Variants in GPRC5A observed in about 807,000 individuals in gnomAD.
The protein encoded by GPRC5A is retinoic acid-induced protein 3.
GPRC5A carries 19 observed loss-of-function variants against 22.5 expected under a neutral mutation model. The ratio of observed to expected loss-of-function variants is 0.85; its 90% CI spans 0.59 to 1.24. GPRC5A has a LOEUF of 1.24. GPRC5A is among the 50% of genes most tolerant of loss of function. The pLI is 0.00. For missense variants in GPRC5A, 471 were observed against 451.1 expected, an observed-to-expected ratio of 1.04 and a Z score of -0.40; for synonymous variants, 192 against 184.5, an observed-to-expected ratio of 1.04 and a Z score of -0.33.
At chr12:12,902,996 G>A (rs1045146794) in intron 1 of GPRC5A, among the ~76,000 whole-genome samples, 5 of 152,202 alleles carry the variant, frequency 3.3e-5, no homozygotes, top group African/African-American at 9.6e-5. Flanking sequence ...GAACCTGGGA[G>A]GTGGAGGTTG....
intron 1 of GPRC5A, among the ~76,000 whole-genome samples, chr12:12,894,590 G>A (rs1863800329): frequency 6.6e-6 from 1 of 151,758 alleles, no homozygotes; most frequent in African/African-American, 2.4e-5. Context: ...TAAATTTTTT[G>A]TAGAGATGGG....
rs79365348 is a variant in GPRC5A at position 12,912,909 on chromosome 12, C to G, written c.*370C>G. Reference sequence around the variant, plus strand: ...CGATCACAGCCCAGTGCAGCCTCGACCACCTGTGCTCAAGCAATCCTCCCA... The same window carrying G: ...CGATCACAGCCCAGTGCAGCCTCGAGCACCTGTGCTCAAGCAATCCTCCCA... On this transcript the variant is annotated 3_prime_UTR_variant, in exon 4 of 4. Transcript: ENST00000014914. 2.1e-3 allele frequency: 387 copies of G among 186,812 alleles called. 2 individuals carry two copies. The highest frequency in any genetic ancestry group is 8.5e-3 in the African/African-American group (365 of 42,824). The allele number at this position is 186,812 out of a possible 1,614,324, so 11.6% of individuals were successfully genotyped here. A position where few individuals can be genotyped will look rare whatever the true frequency, so the allele number is the denominator to read the frequency against.
At chr12:12,907,214 G>A (rs923733954) in intron 1 of GPRC5A, among the ~76,000 whole-genome samples, 2 of 151,416 alleles carry the variant, frequency 1.3e-5, no homozygotes, top group African/African-American at 2.4e-5. Flanking sequence ...TGGGTAACAC[G>A]GTGAAACCCC....
chr12:12,907,485 G>A (rs1398367951), intron 1 of GPRC5A, among the ~76,000 whole-genome samples: 2 of 151,830 alleles, frequency 1.3e-5, no homozygotes. Flanking sequence ...GCTTACAAAT[G>A]ATAACTGTAT....
In GPRC5A at chr12:12,916,549, A is replaced by T. The variant is rs558620003; in HGVS notation, c.*4010A>T. On this transcript the variant is annotated 3_prime_UTR_variant, in exon 4 of 4. Coordinates refer to ENST00000014914, the MANE Select transcript of GPRC5A (RefSeq NM_003979.4). Reference sequence around the variant, plus strand: ...CGAGGCAAATGCGTCCCATTTTAAGAGGCTTGTATTTATGAGCTCTTTGCT... The same window carrying T: ...CGAGGCAAATGCGTCCCATTTTAAGTGGCTTGTATTTATGAGCTCTTTGCT... 1 of 152,210 alleles carries T rather than the reference A, an allele frequency of 6.6e-6. No individual in the cohort carries two copies. The highest frequency in any genetic ancestry group is 2.4e-5 in the African/African-American group (1 of 41,440). 9.4% of individuals were successfully genotyped at this position (152,210 alleles called of 1,614,324 possible).
intron 1 of GPRC5A, among the ~76,000 whole-genome samples, chr12:12,899,639 C>T (rs1381169149): frequency 1.3e-5 from 2 of 152,218 alleles, no homozygotes; most frequent in East Asian, 3.9e-4. Context: ...TGTAAAAATA[C>T]ATAACTACTC....
rs1275855561 is a variant in GPRC5A at position 12,900,911 on chromosome 12, A to C, written c.-7-7332A>C. Among the ~76,000 whole-genome samples the C allele has an allele frequency of 4.2e-3, 509 of 121,762 alleles. 4 individuals are homozygous for C. The highest frequency in any genetic ancestry group is 0.02 in the African/African-American group (490 of 25,008). 79.9% of individuals were successfully genotyped at this position (121,762 alleles called of 152,430 possible). A position where few individuals can be genotyped will look rare whatever the true frequency, so the allele number is the denominator to read the frequency against. On this transcript the variant is annotated intron_variant, in intron 1 of 3. Transcript: ENST00000014914. ...CGTCTCAAAAAAAAAAAAAAAAAAA[A>C]AACAAAAAAAAAACAACCCAGAAAA...
intron 1 of GPRC5A, among the ~76,000 whole-genome samples, chr12:12,906,761 T>C (rs894714756): frequency 1.1e-4 from 16 of 151,846 alleles, no homozygotes; most frequent in African/African-American, 3.6e-4. Flanking sequence ...TCTTTACACA[T>C]CTTAAGGAGG....
rs1386217109 is a variant in GPRC5A, at chr12:12,914,537, C to T, written c.*1998C>T. The T allele has an allele frequency of 7.9e-6, 1 of 126,552 alleles. No homozygotes were observed. The highest frequency in any genetic ancestry group is 1.7e-5 in the Non-Finnish European group (1 of 57,396). 7.8% of individuals were successfully genotyped at this position (126,552 alleles called of 1,614,324 possible). A position where few individuals can be genotyped will look rare whatever the true frequency, so the allele number is the denominator to read the frequency against. On this transcript the variant is annotated 3_prime_UTR_variant, in exon 4 of 4. Coordinates refer to ENST00000014914, the MANE Select transcript of GPRC5A (RefSeq NM_003979.4). Reference sequence around the variant, plus strand: ...CCCACTTTCTTTCTCTCTTTCCTTCCTTCCTTCCTTTCTTCTTTCTTTCTT... The same window carrying T: ...CCCACTTTCTTTCTCTCTTTCCTTCTTTCCTTCCTTTCTTCTTTCTTTCTT...
intron 1 of GPRC5A, among the ~76,000 whole-genome samples, chr12:12,903,025 C>T (rs1027761029): frequency 2.0e-5 from 3 of 152,104 alleles, no homozygotes; most frequent in Admixed American, 1.3e-4. Flanking sequence ...CGATATCGCG[C>T]CATTGCACTC....
At chr12:12,900,198 T>C (rs547695970) in intron 1 of GPRC5A, among the ~76,000 whole-genome samples, 2 of 152,298 alleles carry the variant, frequency 1.3e-5, no homozygotes, top group Admixed American at 1.3e-4. Context: ...CCCTTCAACC[T>C]TACCTCTAGC....
At chr12:12,900,923 A>AC (rs376043724) in intron 1 of GPRC5A, among the ~76,000 whole-genome samples, 4,213 of 107,782 alleles carry the variant, frequency 0.039, 453 homozygotes, top group East Asian at 0.094. Flanking sequence ...ACAAAAAAAA[A>AC]ACAACCCAGA....
At chr12:12,903,360 A>G (rs1048989782) in intron 1 of GPRC5A, among the ~76,000 whole-genome samples, 15 of 152,272 alleles carry the variant, frequency 9.9e-5, no homozygotes, top group African/African-American at 2.9e-4. Flanking sequence ...AGCTCACTGC[A>G]GCTTCGAAAT....
intron 1 of GPRC5A, among the ~76,000 whole-genome samples, chr12:12,905,496 C>T (rs1863932251): frequency 6.6e-6 from 1 of 152,090 alleles, no homozygotes; most frequent in South Asian, 2.1e-4. Flanking sequence ...GCATGGAACA[C>T]AACAAAAAGA....
chr12:12,909,288 A>T, intron 2 of GPRC5A, 117 bp downstream of exon 2: 1 of 750,834 alleles, frequency 1.3e-6, no homozygotes, highest in South Asian at 1.9e-5. Context: ...TTGATAGAAT[A>T]GATAAGTTCC....
intron 2 of GPRC5A, among the ~76,000 whole-genome samples, chr12:12,910,058 G>A (rs1232565606): frequency 1.3e-5 from 2 of 151,008 alleles, no homozygotes; most frequent in Admixed American, 1.3e-4. Flanking sequence ...TGGCCAGAAA[G>A]TACTCCTGCT....
chr12:12,912,223 C>A, intron 3 of GPRC5A, 81 bp downstream of exon 3: 1 of 1,089,400 alleles, frequency 9.2e-7, no homozygotes, highest in Non-Finnish European at 1.4e-6. Context: ...ACGATGTTAC[C>A]TTTCTCATGG....
intron 1 of GPRC5A, among the ~76,000 whole-genome samples, chr12:12,907,429 A>T (rs2136460600): frequency 6.7e-6 from 1 of 148,902 alleles, no homozygotes; most frequent in Non-Finnish European, 1.5e-5. Context: ...AGAGAAAGAA[A>T]AATCTACCAT....
At chr12:12,899,770 A>G (rs1464529928) in intron 1 of GPRC5A, among the ~76,000 whole-genome samples, 1 of 152,194 alleles carries the variant, frequency 6.6e-6, no homozygotes, top group Non-Finnish European at 1.5e-5. Context: ...AGAATAGAGA[A>G]AAAATGAAAA....
Sources: allele counts gnomAD v4.1 joint callset (sites outside exome capture counted in the v4.1 genomes callset), GRCh38; gene constraint gnomAD v4.1.1; transcripts MANE v1.5; gene names NCBI Gene and HGNC (gene_info 2026-07-23, HGNC 2026-07-21).